Variants in KLHL1 observed in about 807,000 individuals in gnomAD.
KLHL1 encodes the protein kelch-like protein 1.
A neutral mutation model predicts 77.7 loss-of-function variants in KLHL1; 47 were observed. The ratio of observed to expected loss-of-function variants is 0.60; its 90% CI spans 0.48 to 0.77. The LOEUF (loss-of-function observed/expected upper bound fraction) is 0.77. Ranked by LOEUF, KLHL1 falls within the 30% of genes least tolerant of loss-of-function variation. The pLI, the probability that KLHL1 is intolerant of heterozygous loss-of-function variation, is 0.00. For missense variants in KLHL1, 925 were observed against 910.8 expected (o/e 1.02, Z -0.20); for synonymous variants, 360 against 325.2 (o/e 1.11, Z -1.15).
In KLHL1 at chr13:69,701,029, T is replaced by C. The variant is rs528613762; in HGVS notation, c.*673A>G. Reference sequence around the variant, plus strand: ...AGCCTAGTGAAAACAATCCTTTGTGTTTGCCAGTTTCAGATTGCCAATATG... The same window carrying C: ...AGCCTAGTGAAAACAATCCTTTGTGCTTGCCAGTTTCAGATTGCCAATATG... On this transcript the variant is annotated 3_prime_UTR_variant, in exon 11 of 11. Coordinates refer to ENST00000377844, the MANE Select transcript of KLHL1 (RefSeq NM_020866.3). 1 of 152,436 alleles carries C rather than the reference T, an allele frequency of 6.6e-6. No individual in the cohort carries two copies. Among genetic ancestry groups the C allele is most frequent in the South Asian group, 2.1e-4 (1 of 4,826 alleles). The allele number at this position is 152,436 out of a possible 1,614,324, so 9.4% of individuals were successfully genotyped here.
chr13:69,925,632 A>C (rs1050117210), intron 4 of KLHL1, among the ~76,000 whole-genome samples: 3 of 151,988 alleles, frequency 2.0e-5, no homozygotes, highest in Admixed American at 1.3e-4. Context: ...ATTAATTTGC[A>C]GAAGACTGAT....
intron 4 of KLHL1, among the ~76,000 whole-genome samples, chr13:69,903,340 A>C (rs1881935011): frequency 1.3e-5 from 2 of 152,078 alleles, no homozygotes. Flanking sequence ...AAACCAACCA[A>C]TTCCAGCTCA....
chr13:69,909,334 A>C (rs1388777045), intron 4 of KLHL1, among the ~76,000 whole-genome samples: 1 of 151,878 alleles, frequency 6.6e-6, no homozygotes, highest in Non-Finnish European at 1.5e-5. Flanking sequence ...TCATATAAAT[A>C]ATGTTTCTAG....
At chr13:69,931,384 A>G (rs1326581429) in intron 4 of KLHL1, among the ~76,000 whole-genome samples, 1 of 151,768 alleles carries the variant, frequency 6.6e-6, no homozygotes, top group Non-Finnish European at 1.5e-5. Context: ...ATTGAGCTGA[A>G]GTTTCCCTAT....
At chr13:69,731,939 T>C (rs1873562537) in intron 8 of KLHL1, among the ~76,000 whole-genome samples, 1 of 152,086 alleles carries the variant, frequency 6.6e-6, no homozygotes, top group South Asian at 2.1e-4. Context: ...AATATTTTAT[T>C]TTTTGACCTA....
chr13:69,796,947 T>A lies in KLHL1; in HGVS notation c.1430A>T (p.Glu477Val). ...CAGATTTGTTCTCAGATCATATTTC[T>A]CTATAGTTGTAGCTCCTGATAAAAC... ...MDNNKGATTIEKYDLRTNLWI... is the reference protein window; with the variant it reads ...MDNNKGATTIVKYDLRTNLWI... Residue 477 changes from glutamate (E) to valine (V), a missense_variant, in exon 7 of 11, where the codon GAG (glutamate) becomes GTG (valine). Coordinates refer to ENST00000377844, the MANE Select transcript of KLHL1 (RefSeq NM_020866.3). The A allele has an allele frequency of 6.2e-7, 1 of 1,613,986 alleles. No homozygotes were observed. Among genetic ancestry groups the A allele is most frequent in the Non-Finnish European group, 8.5e-7 (1 of 1,179,868 alleles).
At chr13:69,888,229 C>T (rs1446520803) in intron 4 of KLHL1, among the ~76,000 whole-genome samples, 1 of 152,106 alleles carries the variant, frequency 6.6e-6, no homozygotes, top group Non-Finnish European at 1.5e-5. Context: ...GACCCAAATA[C>T]CTCACAATGT....
intron 9 of KLHL1, among the ~76,000 whole-genome samples, 181 bp downstream of exon 9, chr13:69,719,188 G>A (rs1299635662): frequency 2.7e-5 from 2 of 75,022 alleles, no homozygotes; most frequent in Non-Finnish European, 6.1e-5. Context: ...AAGTACGTGT[G>A]TGTGTGTGTG....
intron 1 of KLHL1, among the ~76,000 whole-genome samples, chr13:70,092,438 T>G (rs1460547116): frequency 6.6e-6 from 1 of 152,158 alleles, no homozygotes; most frequent in Admixed American, 6.6e-5. Flanking sequence ...AAATAATATA[T>G]TAAACTCTGT....
chr13:70,103,136 C>T (rs998215011), intron 1 of KLHL1, among the ~76,000 whole-genome samples: 1 of 152,154 alleles, frequency 6.6e-6, no homozygotes, highest in African/African-American at 2.4e-5. Flanking sequence ...TTATGCATGA[C>T]ATCTCTGTGA....
At chr13:69,867,590 T>C (rs558680905) in intron 5 of KLHL1, among the ~76,000 whole-genome samples, 1 of 152,136 alleles carries the variant, frequency 6.6e-6, no homozygotes, top group East Asian at 1.9e-4. Context: ...ATATTTTGCC[T>C]TATAATTTAT....
Position 70,006,542 on chromosome 13 carries a change from T to C in KLHL1, c.498-30740A>G, listed in dbSNP as rs114573088. 6.6e-5 allele frequency among the ~76,000 whole-genome samples: 10 copies of C among 151,004 alleles called. No individual in the cohort carries two copies. In the Middle Eastern group the frequency reaches 0.01, roughly 154 times the overall value. On this transcript the variant is annotated intron_variant, in intron 1 of 10. Transcript: ENST00000377844. Reference sequence around the variant, plus strand: ...TCAAAGAGTTTGAGAAGGATTTGTATTAGTTATTTGTTAAAAGTTTGGTAG... The same window carrying C: ...TCAAAGAGTTTGAGAAGGATTTGTACTAGTTATTTGTTAAAAGTTTGGTAG...
intron 1 of KLHL1, among the ~76,000 whole-genome samples, chr13:69,978,685 C>T (rs2137296041): frequency 6.6e-6 from 1 of 152,080 alleles, no homozygotes; most frequent in Non-Finnish European, 1.5e-5. Context: ...CGGGGTTTCA[C>T]CATGTTTGTC....
chr13:70,024,634 C>CTTTCTCTCTTTCTCTCTT (rs2137357087), intron 1 of KLHL1, among the ~76,000 whole-genome samples: 1 of 83,654 alleles, frequency 1.2e-5, no homozygotes, highest in East Asian at 2.5e-4. Flanking sequence ...CTCTCTCTCT[C>CTTTCTCTCTTTCTCTCTT]TCTCTCTCTC....
At chr13:69,814,582 G>C (rs1219890164) in intron 6 of KLHL1, among the ~76,000 whole-genome samples, 2 of 152,032 alleles carry the variant, frequency 1.3e-5, no homozygotes. Flanking sequence ...CAAAGGACAT[G>C]AACAGATACA....
chr13:69,825,032 T>C (rs981676936), intron 6 of KLHL1, among the ~76,000 whole-genome samples: 1 of 152,158 alleles, frequency 6.6e-6, no homozygotes, highest in African/African-American at 2.4e-5. Context: ...AGAAAAATGA[T>C]AGATGGATAC....
intron 1 of KLHL1, among the ~76,000 whole-genome samples, chr13:70,009,986 A>G (rs1199795833): frequency 2.0e-5 from 3 of 152,156 alleles, no homozygotes; most frequent in Non-Finnish European, 2.9e-5. Flanking sequence ...GGAAAGGAGT[A>G]AGGAGGAAAT....
At chr13:69,956,816 C>G (rs911638157) in intron 3 of KLHL1, among the ~76,000 whole-genome samples, 1 of 151,586 alleles carries the variant, frequency 6.6e-6, no homozygotes, top group Non-Finnish European at 1.5e-5. Flanking sequence ...TTTACAAATG[C>G]TTATTTGAAA....
chr13:69,915,617 T>C (rs1802148413), intron 4 of KLHL1, among the ~76,000 whole-genome samples: 1 of 152,134 alleles, frequency 6.6e-6, no homozygotes, highest in African/African-American at 2.4e-5. Context: ...GACTTAAATG[T>C]TAGAACTGAA....
Sources: allele counts gnomAD v4.1 joint callset (sites outside exome capture counted in the v4.1 genomes callset), GRCh38; gene constraint gnomAD v4.1.1; transcripts MANE v1.5; gene names NCBI Gene and HGNC (gene_info 2026-07-23, HGNC 2026-07-21).